ATXN10: variants seen among roughly 807,000 people sequenced by gnomAD.
The protein encoded by ATXN10 is ataxin-10.
In ATXN10, 28 loss-of-function variants were observed where a neutral mutation model predicts 52.9. That is an observed-to-expected ratio of 0.53 (90% CI 0.39 to 0.73). The LOEUF (loss-of-function observed/expected upper bound fraction) is 0.73. Ranked by LOEUF, ATXN10 falls within the 30% of genes least tolerant of loss-of-function variation. ATXN10 has a pLI of 0.00. For missense variants in ATXN10, 565 were observed against 577.0 expected (o/e 0.98, Z 0.21); for synonymous variants, 226 against 221.5 (o/e 1.02, Z -0.18).
chr22:45,713,971 T>C (rs1924350108), intron 5 of ATXN10, among the ~76,000 whole-genome samples: 1 of 152,226 alleles, frequency 6.6e-6, no homozygotes, highest in Non-Finnish European at 1.5e-5. Flanking sequence ...ACATGTCATA[T>C]CGCATGTGGA....
intron 9 of ATXN10, among the ~76,000 whole-genome samples, chr22:45,767,015 C>G (rs1721593029): frequency 6.6e-6 from 1 of 152,188 alleles, no homozygotes; most frequent in Non-Finnish European, 1.5e-5. Flanking sequence ...TATTCTCTTG[C>G]TGTGGTGGAA....
At chr22:45,814,193 C>CT (rs906474111) in intron 10 of ATXN10, among the ~76,000 whole-genome samples, 1 of 152,206 alleles carries the variant, frequency 6.6e-6, no homozygotes, top group African/African-American at 2.4e-5. Flanking sequence ...CTTAAAAACA[C>CT]TAACTGTAAG....
rs1386703255 is a variant in ATXN10, at chr22:45,683,552, C to T, written c.117-6160C>T. Reference sequence around the variant, plus strand: ...CAGCAAGATGCATAGTTGGCTCCCTCACCTTCTTTGGATCTGTGCTTAAAT... The same window carrying T: ...CAGCAAGATGCATAGTTGGCTCCCTTACCTTCTTTGGATCTGTGCTTAAAT... On this transcript the variant is annotated intron_variant, in intron 1 of 11. Coordinates refer to ENST00000252934, the MANE Select transcript of ATXN10 (RefSeq NM_013236.4). The surrounding 1 kb of genome is among the most constrained non-coding windows in gnomAD (Gnocchi z 4.8). 6.6e-6 allele frequency among the ~76,000 whole-genome samples: 1 copy of T among 152,214 alleles called. No individual in the cohort carries two copies. The highest frequency in any genetic ancestry group is 1.5e-5 in the Non-Finnish European group (1 of 68,040).
chr22:45,676,483 T>G (rs918787603), intron 1 of ATXN10: 12 of 151,304 alleles, frequency 7.9e-5, no homozygotes, highest in Non-Finnish European at 1.5e-4. Flanking sequence ...ATTTTTTAAT[T>G]TGTTTTTTTT....
chr22:45,800,136 A>G (rs552552059), intron 9 of ATXN10, among the ~76,000 whole-genome samples: 1 of 152,362 alleles, frequency 6.6e-6, no homozygotes, highest in African/African-American at 2.4e-5. Flanking sequence ...TATCTCATCT[A>G]TATTAAAAAG....
At chr22:45,814,219 C>T (rs763985197) in intron 10 of ATXN10, among the ~76,000 whole-genome samples, 2 of 152,150 alleles carry the variant, frequency 1.3e-5, no homozygotes, top group African/African-American at 2.4e-5. Flanking sequence ...GACTTTGAAA[C>T]GATGTTTGCG....
At chr22:45,742,032 A>AC in intron 9 of ATXN10, among the ~76,000 whole-genome samples, 1 of 152,278 alleles carries the variant, frequency 6.6e-6, no homozygotes, top group Non-Finnish European at 1.5e-5. Flanking sequence ...GGTGTCAGCT[A>AC]CCTAAATCTC....
At chr22:45,742,155 C>T (rs1165142209) in intron 9 of ATXN10, among the ~76,000 whole-genome samples, 4 of 151,848 alleles carry the variant, frequency 2.6e-5, no homozygotes, top group African/African-American at 9.7e-5. Context: ...TTAAGTCCAA[C>T]TTACACTGTA....
In ATXN10 at chr22:45,790,019, T is replaced by C. The variant is rs1927452704; in HGVS notation, c.1174-16940T>C. On this transcript the variant is annotated intron_variant, in intron 9 of 11. Coordinates refer to ENST00000252934, the MANE Select transcript of ATXN10 (RefSeq NM_013236.4). The surrounding 1 kb of genome is among the most constrained non-coding windows in gnomAD (Gnocchi z 4.7). ...AATGCCCATAAGAGACACTCCATAT[T>C]TGAATATTAATTCTATCTCATTATC... is the stretch of plus-strand genomic sequence containing the variant. Among the ~76,000 whole-genome samples the C allele has an allele frequency of 6.6e-6, 1 of 152,248 alleles. No homozygotes were observed. Among genetic ancestry groups the C allele is most frequent in the Non-Finnish European group, 1.5e-5 (1 of 68,044 alleles).
intron 5 of ATXN10, among the ~76,000 whole-genome samples, chr22:45,709,532 T>C (rs1924165217): frequency 6.6e-6 from 1 of 152,190 alleles, no homozygotes; most frequent in Non-Finnish European, 1.5e-5. Context: ...GTAAGGCACA[T>C]TTCCTGCTTC....
rs1926925027 is a variant in ATXN10, at chr22:45,775,621, T to G, written c.1174-31338T>G. Reference sequence around the variant, plus strand: ...TGGCTTTCGTCAGTGTTAGCCTGTGTAATGACACTGTTTTTCTCCTTCGTG... The same window carrying G: ...TGGCTTTCGTCAGTGTTAGCCTGTGGAATGACACTGTTTTTCTCCTTCGTG... On this transcript the variant is annotated intron_variant, in intron 9 of 11. Transcript: ENST00000252934. This position sits in a 1 kb window ranked among gnomAD's most constrained non-coding sequence, Gnocchi z 4.7. Among the ~76,000 whole-genome samples, 2 of 152,200 alleles carry G rather than the reference T, an allele frequency of 1.3e-5. No individual in the cohort carries two copies. The highest frequency in any genetic ancestry group is 2.9e-5 in the Non-Finnish European group (2 of 68,032).
intron 10 of ATXN10, among the ~76,000 whole-genome samples, chr22:45,830,371 A>C (rs1928948361): frequency 6.6e-6 from 1 of 152,162 alleles, no homozygotes; most frequent in Non-Finnish European, 1.5e-5. Context: ...ATTTTAAAAT[A>C]TTTTGCATCA....
At position 45,766,411 on chromosome 22, in the gene ATXN10, C is replaced by A. The variant is rs931835711; in HGVS notation, c.1173+25873C>A. Among the ~76,000 whole-genome samples, 1 of 152,194 alleles carries A rather than the reference C, an allele frequency of 6.6e-6. No individual in the cohort carries two copies. ...TGGAACAGTTTCATCCTGAAGTCTT[C>A]CCCGCAACCCCTCTTCCCCCGAGTC... On this transcript the variant is annotated intron_variant, in intron 9 of 11. Transcript: ENST00000252934. This position sits in a 1 kb window ranked among gnomAD's most constrained non-coding sequence, Gnocchi z 4.6.
At chr22:45,791,853 A>G (rs1927524157) in intron 9 of ATXN10, among the ~76,000 whole-genome samples, 1 of 152,198 alleles carries the variant, frequency 6.6e-6, no homozygotes, top group Non-Finnish European at 1.5e-5. Context: ...TTGTATACAA[A>G]ATACATGTTC....
intron 10 of ATXN10, among the ~76,000 whole-genome samples, chr22:45,815,252 CAGTTCATCTACCTGA>C (rs1250827945): frequency 1.3e-5 from 2 of 152,154 alleles, no homozygotes; most frequent in Non-Finnish European, 2.9e-5. Flanking sequence ...ATGTACTGTA[CAGTTCATCTACCTGA>C]AGTTCAGGAA....
intron 10 of ATXN10, among the ~76,000 whole-genome samples, chr22:45,822,811 G>A (rs1200900188): frequency 6.6e-6 from 1 of 152,018 alleles, no homozygotes; most frequent in Non-Finnish European, 1.5e-5. Flanking sequence ...TGTGAGCCAC[G>A]GTGCCCAGCT....
rs1923835869 is a variant in ATXN10, at chr22:45,701,337, C to G, written c.488+959C>G. On this transcript the variant is annotated intron_variant, in intron 4 of 11. Transcript: ENST00000252934. This position sits in a 1 kb window ranked among gnomAD's most constrained non-coding sequence, Gnocchi z 4.2. ...GTAAACCCATTGCTGCCATCTGGATCTAAAGCCTATCTATGCTCATTGTAA... is the reference window on the plus strand; with the variant it reads ...GTAAACCCATTGCTGCCATCTGGATGTAAAGCCTATCTATGCTCATTGTAA... Among the ~76,000 whole-genome samples the G allele has an allele frequency of 6.6e-6, 1 of 152,206 alleles. No homozygotes were observed.
At chr22:45,675,646 C>T (rs1055147890) in intron 1 of ATXN10, 4 of 152,244 alleles carry the variant, frequency 2.6e-5, no homozygotes, top group African/African-American at 9.7e-5. Flanking sequence ...CCTCTGAGCT[C>T]CAGTCACATC....
rs1250575250 is a variant in ATXN10, at chr22:45,690,184, G to A, written c.308+281G>A. On this transcript the variant is annotated intron_variant, in intron 2 of 11. Transcript: ENST00000252934. The surrounding 1 kb of genome is among the most constrained non-coding windows in gnomAD (Gnocchi z 4.5). The stretch of plus-strand genomic sequence containing the variant: ...CCAACTGCTCAGGAGACTGAGGTGG[G>A]AGGATTGCTTGGGCCAGGGAGAGGC... Among the ~76,000 whole-genome samples the A allele has an allele frequency of 1.3e-5, 2 of 152,092 alleles. No homozygotes were observed. Among genetic ancestry groups the A allele is most frequent in the Non-Finnish European group, 2.9e-5 (2 of 68,004 alleles).
Sources: gnomAD v4.1 joint callset for allele counts (sites outside exome capture counted in the v4.1 genomes callset) on GRCh38, gnomAD v4.1.1 for gene constraint, Gnocchi (gnomAD v3.1) non-coding constraint, MANE v1.5 for transcripts, NCBI Gene and HGNC (gene_info 2026-07-23, HGNC 2026-07-21) for gene names.